Variants in ERG observed in about 807,000 individuals in gnomAD.
The protein encoded by ERG is ETS transcription factor ERG, also known as transcriptional regulator ERG.
In ERG, 9 loss-of-function variants were observed where a neutral mutation model predicts 55.3. The ratio of observed to expected loss-of-function variants is 0.16; its 90% CI spans 0.10 to 0.28. The LOEUF is 0.28. Among genes scored for constraint, ERG ranks in the 10% least tolerant of loss-of-function variants. The pLI is 1.00. For missense variants in ERG, 434 were observed against 631.6 expected, an observed-to-expected ratio of 0.69 and a Z score of 3.35; for synonymous variants, 223 against 237.3, an observed-to-expected ratio of 0.94 and a Z score of 0.55.
At chr21:38,541,910 G>A (rs2898354) in intron 2 of ERG, among the ~76,000 whole-genome samples, 95,815 of 148,564 alleles carry the variant, frequency 0.64, 31,674 homozygotes, top group Non-Finnish European at 0.75. Context: ...ATCCTGGAAC[G>A]TAAAATTAAA....
intron 2 of ERG, among the ~76,000 whole-genome samples, chr21:38,433,449 G>A (rs1328162804): frequency 2.0e-5 from 3 of 152,132 alleles, no homozygotes; most frequent in East Asian, 3.8e-4. Flanking sequence ...GGTTGGTGGT[G>A]GGGACTAATA....
chr21:38,469,261 G>A (rs752068920), intron 1 of ERG, among the ~76,000 whole-genome samples: 4 of 152,102 alleles, frequency 2.6e-5, no homozygotes, highest in Non-Finnish European at 5.9e-5. Flanking sequence ...ACTCATTAAC[G>A]CACTTAGCAA....
intron 9 of ERG, among the ~76,000 whole-genome samples, chr21:38,389,939 T>C (rs1732133953): frequency 1.3e-5 from 2 of 152,232 alleles, no homozygotes; most frequent in Admixed American, 6.5e-5. Context: ...GTGTTTTCAA[T>C]GTGTAGATTC....
chr21:38,444,132 A>G (rs1400962024), intron 2 of ERG, among the ~76,000 whole-genome samples: 4 of 152,226 alleles, frequency 2.6e-5, no homozygotes, highest in African/African-American at 9.6e-5. Context: ...AACCGTTTCC[A>G]GACTTATAAA....
chr21:38,613,357 C>T (rs2060239799), intron 1 of ERG, among the ~76,000 whole-genome samples: 1 of 152,174 alleles, frequency 6.6e-6, no homozygotes, highest in African/African-American at 2.4e-5. Context: ...ACTATGAAAC[C>T]TCTAACACTC....
intron 2 of ERG, among the ~76,000 whole-genome samples, chr21:38,537,803 A>G (rs1206909036): frequency 6.6e-6 from 1 of 152,234 alleles, no homozygotes; most frequent in African/African-American, 2.4e-5. Flanking sequence ...ATGATTCACC[A>G]ATTCCGCATG....
chr21:38,628,152 G>A (rs2060336675), intron 1 of ERG, among the ~76,000 whole-genome samples: 1 of 152,200 alleles, frequency 6.6e-6, no homozygotes, highest in East Asian at 1.9e-4. Context: ...GTTTTGCGAT[G>A]TTGCCCAGGC....
At chr21:38,585,119 C>T (rs2060054166), upstream of ERG, among the ~76,000 whole-genome samples, 1 of 152,198 alleles carries the variant, frequency 6.6e-6, no homozygotes, top group Admixed American at 6.5e-5. Context: ...CATTCCTCTC[C>T]TCTGAGGGAA....
intron 1 of ERG, among the ~76,000 whole-genome samples, chr21:38,469,114 T>G (rs1332057951): frequency 6.6e-6 from 1 of 151,104 alleles, no homozygotes; most frequent in Admixed American, 6.6e-5. Flanking sequence ...GGGGGTCCCC[T>G]TATCTATTTA....
At chr21:38,562,636 C>A (rs1279178542) in intron 2 of ERG, among the ~76,000 whole-genome samples, 1 of 152,176 alleles carries the variant, frequency 6.6e-6, no homozygotes, top group Non-Finnish European at 1.5e-5. Context: ...CGATAATGCA[C>A]CTCTTAAACT....
chr21:38,595,873 T>C (rs1176694166), intron 1 of ERG, among the ~76,000 whole-genome samples: 1 of 152,114 alleles, frequency 6.6e-6, no homozygotes, highest in Non-Finnish European at 1.5e-5. Flanking sequence ...TGAAATGTCA[T>C]TGAGTTTTCA....
At chr21:38,418,068 C>T (rs1173410710) in intron 3 of ERG, among the ~76,000 whole-genome samples, 1 of 152,018 alleles carries the variant, frequency 6.6e-6, no homozygotes, top group Non-Finnish European at 1.5e-5. Context: ...TCATTTCTAT[C>T]TTTCCTTTTT....
the ERG span, among the ~76,000 whole-genome samples, chr21:38,371,913 ATTTTGGGAAAT>A: frequency 6.6e-6 from 1 of 151,980 alleles, no homozygotes; most frequent in East Asian, 1.9e-4. Context: ...TCTCCACCAT[ATTTTGGGAAAT>A]TTTGGACCTT....
At chr21:38,579,644 T>G (rs952540879) in intron 1 of ERG, among the ~76,000 whole-genome samples, 7 of 152,146 alleles carry the variant, frequency 4.6e-5, no homozygotes, top group African/African-American at 1.7e-4. Flanking sequence ...CAAGGGCGTA[T>G]GAGCTTCTCA....
chr21:38,651,858 C>G (rs2146986780), intron 1 of ERG, among the ~76,000 whole-genome samples: 2 of 152,312 alleles, frequency 1.3e-5, no homozygotes, highest in East Asian at 3.9e-4. Context: ...GTTCCCACTA[C>G]TGTGTGACTC....
chr21:38,622,017 C>G (rs2060293533), intron 1 of ERG, among the ~76,000 whole-genome samples: 1 of 152,218 alleles, frequency 6.6e-6, no homozygotes, highest in African/African-American at 2.4e-5. Context: ...GATCCAGGAG[C>G]CTGCAGGAGC....
intron 1 of ERG, among the ~76,000 whole-genome samples, chr21:38,633,600 T>C (rs1039329271): frequency 2.1e-4 from 32 of 152,344 alleles, no homozygotes; most frequent in African/African-American, 7.5e-4. Flanking sequence ...CCTTTTTATT[T>C]GTTTGTATGG....
chr21:38,451,315 A>G (rs2058939845), intron 1 of ERG: 2 of 438,926 alleles, frequency 4.6e-6, no homozygotes. Context: ...TGGGCCCTGC[A>G]TACAGTTAAT....
rs1987367914 is a variant in ERG, at chr21:38,380,327, A to C, written c.*3076T>G. 1 of 1,057,424 alleles carries C rather than the reference A, an allele frequency of 9.5e-7. No individual in the cohort carries two copies. Among genetic ancestry groups the C allele is most frequent in the Non-Finnish European group, 1.1e-6 (1 of 874,346 alleles). 65.5% of individuals were successfully genotyped at this position (1,057,424 alleles called of 1,614,324 possible). On this transcript the variant is annotated 3_prime_UTR_variant, in exon 10 of 10. Coordinates refer to ENST00000288319, the MANE Select transcript of ERG (RefSeq NM_182918.4). ...CACATCTGTGCAGAAGGCTTAGGAG[A>C]AGCAGTGAGCCTTCTAACTGCAGCA... is the stretch of plus-strand genomic sequence containing the variant.
Sources: gnomAD v4.1 joint callset for allele counts (sites outside exome capture counted in the v4.1 genomes callset) on GRCh38, gnomAD v4.1.1 for gene constraint, MANE v1.5 for transcripts, NCBI Gene and HGNC (gene_info 2026-07-23, HGNC 2026-07-21) for gene names.